ERP44: variants seen among roughly 807,000 people sequenced by gnomAD.
The protein encoded by ERP44 is endoplasmic reticulum protein 44, also known as endoplasmic reticulum resident protein 44.
ERP44 carries 25 observed loss-of-function variants against 53.4 expected under a neutral mutation model. That is an observed-to-expected ratio of 0.47 (90% confidence interval 0.34 to 0.65). The LOEUF is 0.65. ERP44 is among the 30% of genes least tolerant of loss of function. ERP44 has a pLI of 0.01. For missense variants in ERP44, 338 were observed against 493.2 expected (o/e 0.69, Z 2.98); for synonymous variants, 145 against 161.2 (o/e 0.90, Z 0.76).
At chr9:100,088,653 A>G (rs777570079) in intron 1 of ERP44, among the ~76,000 whole-genome samples, 1 of 152,230 alleles carries the variant, frequency 6.6e-6, no homozygotes, top group Non-Finnish European at 1.5e-5. Context: ...TCATAAAATC[A>G]TAATAGTAGC....
chr9:100,008,623 C>T (rs1830442182), intron 8 of ERP44, among the ~76,000 whole-genome samples: 1 of 152,144 alleles, frequency 6.6e-6, no homozygotes, highest in African/African-American at 2.4e-5. Context: ...CAAACTGGGA[C>T]CTATTTTACA....
chr9:100,009,746 C>G (rs1033712553), intron 8 of ERP44, among the ~76,000 whole-genome samples: 4 of 152,210 alleles, frequency 2.6e-5, no homozygotes, highest in Admixed American at 2.0e-4. Context: ...TGCTTAATAT[C>G]TCCATTTCAA....
At chr9:100,063,557 C>T (rs1387490507) in intron 1 of ERP44, among the ~76,000 whole-genome samples, 2 of 152,000 alleles carry the variant, frequency 1.3e-5, no homozygotes, top group Non-Finnish European at 2.9e-5. Flanking sequence ...AAGTATGACT[C>T]CAGACCATAA....
intron 1 of ERP44, among the ~76,000 whole-genome samples, chr9:100,076,007 T>G (rs1826351578): frequency 6.6e-6 from 1 of 152,166 alleles, no homozygotes; most frequent in South Asian, 2.1e-4. Flanking sequence ...CAGGCCCCTA[T>G]AGGTGAATCA....
chr9:100,026,779 A>ATCTTGACT (rs1312433648), intron 4 of ERP44, among the ~76,000 whole-genome samples: 11 of 152,198 alleles, frequency 7.2e-5, no homozygotes, highest in Non-Finnish European at 1.5e-4. Context: ...AAGTCAAGTA[A>ATCTTGACT]TCTTTTTTAA....
intron 4 of ERP44, among the ~76,000 whole-genome samples, chr9:100,041,988 T>C (rs1825909569): frequency 6.6e-6 from 1 of 152,298 alleles, no homozygotes; most frequent in Middle Eastern, 3.4e-3. Flanking sequence ...TCCAGGACAC[T>C]GGAGTGGGCA....
At chr9:100,018,422 T>C in intron 6 of ERP44, 109 bp from the exon 7 acceptor site, 1 of 708,816 alleles carries the variant, frequency 1.4e-6, no homozygotes, top group Non-Finnish European at 2.6e-6. Flanking sequence ...TACAAGACTA[T>C]GCAATACCAA....
chr9:100,050,975 T>C (rs1826029817), intron 4 of ERP44, among the ~76,000 whole-genome samples: 1 of 152,166 alleles, frequency 6.6e-6, no homozygotes, highest in Admixed American at 6.5e-5. Flanking sequence ...ATTAAATACA[T>C]AAAGAATAGA....
intron 4 of ERP44, among the ~76,000 whole-genome samples, chr9:100,045,973 C>T (rs1296943873): frequency 6.6e-6 from 1 of 152,038 alleles, no homozygotes; most frequent in Non-Finnish European, 1.5e-5. Context: ...AATCTATGGA[C>T]TGTATTTATA....
chr9:100,082,908 A>G (rs1179325505), intron 1 of ERP44, among the ~76,000 whole-genome samples: 1 of 152,172 alleles, frequency 6.6e-6, no homozygotes, highest in Non-Finnish European at 1.5e-5. Context: ...ATGAAACCAC[A>G]AAAGTAGCCA....
intron 3 of ERP44, among the ~76,000 whole-genome samples, chr9:100,056,658 G>A (rs181304797): frequency 5.5e-4 from 84 of 152,166 alleles, no homozygotes; most frequent in Non-Finnish European, 9.6e-4. Context: ...TCTAATCTAA[G>A]ACTTGAAAGA....
intron 1 of ERP44, among the ~76,000 whole-genome samples, chr9:100,089,305 C>T (rs1021958604): frequency 2.6e-5 from 4 of 152,002 alleles, no homozygotes; most frequent in Non-Finnish European, 4.4e-5. Context: ...AGAGGCCAGG[C>T]GTGGTGGCTC....
chr9:100,065,478 TTC>T (rs1342896139), intron 1 of ERP44, among the ~76,000 whole-genome samples: 1 of 152,114 alleles, frequency 6.6e-6, no homozygotes, highest in African/African-American at 2.4e-5. Flanking sequence ...GTCTATAATA[TTC>T]TCACAACAAA....
chr9:100,061,052 A>G (rs1393252988), intron 1 of ERP44, among the ~76,000 whole-genome samples: 1 of 152,202 alleles, frequency 6.6e-6, no homozygotes, highest in Non-Finnish European at 1.5e-5. Context: ...AGCACTTATG[A>G]CAGACTCAAA....
chr9:99,992,045 A>C (rs1250846569), intron 10 of ERP44, among the ~76,000 whole-genome samples: 2 of 152,236 alleles, frequency 1.3e-5, no homozygotes, highest in African/African-American at 4.8e-5. Flanking sequence ...AACCAAAAAA[A>C]GTCCAGGACC....
chr9:100,055,278 ATAAC>A (rs758142883), intron 3 of ERP44, among the ~76,000 whole-genome samples: 89 of 152,380 alleles, frequency 5.8e-4, no homozygotes, highest in Non-Finnish European at 9.3e-4. Flanking sequence ...ACATTTTTAA[ATAAC>A]TAAAAGAGTA....
intron 1 of ERP44, among the ~76,000 whole-genome samples, chr9:100,088,480 T>C (rs2118757613): frequency 6.6e-6 from 1 of 152,340 alleles, no homozygotes; most frequent in Non-Finnish European, 1.5e-5. Context: ...GCTTACAAAC[T>C]ACAACTCCCC....
rs1830155693 is a variant in ERP44, at chr9:99,982,323, G to A, written c.*289C>T. The A allele has an allele frequency of 1.2e-5, 2 of 170,158 alleles. No homozygotes were observed. The highest frequency in any genetic ancestry group is 2.5e-5 in the Non-Finnish European group (2 of 80,270). 10.5% of individuals were successfully genotyped at this position (170,158 alleles called of 1,614,324 possible). A position where few individuals can be genotyped will look rare whatever the true frequency, so the allele number is the denominator to read the frequency against. On this transcript the variant is annotated 3_prime_UTR_variant, in exon 12 of 12. Transcript: ENST00000262455. ...TAGTGCAAGTTAATGGTAAGTTTCTGGCAATGTCACCTTTCATTTGATTTA... is the reference window on the plus strand; with the variant it reads ...TAGTGCAAGTTAATGGTAAGTTTCTAGCAATGTCACCTTTCATTTGATTTA...
rs180998418 is a variant in ERP44, at chr9:100,042,982, G to A, written c.286+9435C>T. On this transcript the variant is annotated intron_variant, in intron 4 of 11. Transcript: ENST00000262455. ...AGTAGTTTGAAAGAATCAATAGGCC[G>A]GGCGCAGTGGCTCATGCCTGTAATC... 9.2e-5 allele frequency among the ~76,000 whole-genome samples: 14 copies of A among 151,988 alleles called. No individual in the cohort carries two copies. In the East Asian group the frequency reaches 1.2e-3, roughly 13 times the overall value.
Sources: gnomAD v4.1 joint callset for allele counts (sites outside exome capture counted in the v4.1 genomes callset) on GRCh38, gnomAD v4.1.1 for gene constraint, MANE v1.5 for transcripts, NCBI Gene and HGNC (gene_info 2026-07-23, HGNC 2026-07-21) for gene names.